The following MECOM variants were observed in gnomAD, a reference collection of about 807,000 sequenced individuals.
The protein encoded by MECOM is histone-lysine N-methyltransferase MECOM.
Under a neutral mutation model 116.3 loss-of-function variants are expected in MECOM, and 13 were observed. That is an observed-to-expected ratio of 0.11 (90% CI 0.07 to 0.18). The LOEUF (loss-of-function observed/expected upper bound fraction) is 0.18. Ranked by LOEUF, MECOM falls within the 10% of genes least tolerant of loss-of-function variation. The probability of loss-of-function intolerance (pLI) is 1.00; values close to 1 mark genes in which losing one functional copy is unlikely to be tolerated. For missense variants in MECOM, 1,299 were observed against 1,509.0 expected (o/e 0.86, Z 2.31); for synonymous variants, 528 against 535.2 (o/e 0.99, Z 0.19).
intron 2 of MECOM, among the ~76,000 whole-genome samples, chr3:169,245,022 G>C (rs1024333304): frequency 6.6e-6 from 1 of 152,070 alleles, no homozygotes; most frequent in Non-Finnish European, 1.5e-5. Context: ...ATAGTAACCA[G>C]GCCAAGCAGC....
At chr3:169,152,878 C>A (rs1741384875) in intron 2 of MECOM, among the ~76,000 whole-genome samples, 1 of 152,182 alleles carries the variant, frequency 6.6e-6, no homozygotes, top group South Asian at 2.1e-4. Context: ...AGAATGAGAG[C>A]AGATTTCTTT....
intron 1 of MECOM, among the ~76,000 whole-genome samples, chr3:169,478,488 T>A (rs9290367): frequency 6.6e-6 from 1 of 152,042 alleles, no homozygotes; most frequent in African/African-American, 2.4e-5. Flanking sequence ...CACCTCTGCC[T>A]TTGGCCAAGC....
intron 2 of MECOM, among the ~76,000 whole-genome samples, chr3:169,161,157 C>G (rs1250696374): frequency 1.3e-5 from 2 of 152,166 alleles, no homozygotes; most frequent in Admixed American, 6.6e-5. Flanking sequence ...CTTTAAGTAG[C>G]TTTAAAATCC....
chr3:169,232,195 C>A (rs903725719), intron 2 of MECOM, among the ~76,000 whole-genome samples: 15 of 152,112 alleles, frequency 9.9e-5, no homozygotes, highest in African/African-American at 3.6e-4. Flanking sequence ...CTTAAATTCA[C>A]CTTTTTGAGA....
intron 2 of MECOM, chr3:169,149,624 C>T (rs779643534): frequency 4.2e-6 from 2 of 470,884 alleles, no homozygotes; most frequent in East Asian, 6.2e-5. Context: ...TTCCGAGCTA[C>T]GAGAGGAAGG....
At chr3:169,315,876 A>G (rs928689686) in intron 2 of MECOM, among the ~76,000 whole-genome samples, 3 of 152,238 alleles carry the variant, frequency 2.0e-5, no homozygotes, top group Admixed American at 1.3e-4. Flanking sequence ...GCTAGATGCT[A>G]TATAAAGGCA....
At chr3:169,365,584 G>A (rs1381973076) in intron 2 of MECOM, among the ~76,000 whole-genome samples, 1 of 152,010 alleles carries the variant, frequency 6.6e-6, no homozygotes, top group Non-Finnish European at 1.5e-5. Context: ...AAGGGAATTA[G>A]CAATTAGATT....
chr3:169,590,369 T>C lies in MECOM; in HGVS notation c.37+72967A>G, dbSNP rs190462381. 5.3e-5 allele frequency among the ~76,000 whole-genome samples: 8 copies of C among 152,336 alleles called. No homozygotes were observed. The East Asian group carries it at 1.5e-3, about 29-fold the overall frequency. On this transcript the variant is annotated intron_variant, in intron 1 of 16. Coordinates refer to ENST00000651503, the MANE Select transcript of MECOM (RefSeq NM_004991.4). ...GCAAGAGATATTTTGGGTTATTTGC[T>C]CTACCTTAGAATCAGAGTGCCCACA...
intron 1 of MECOM, among the ~76,000 whole-genome samples, chr3:169,578,732 T>A (rs1384179629): frequency 6.6e-6 from 1 of 152,180 alleles, no homozygotes; most frequent in Non-Finnish European, 1.5e-5. Flanking sequence ...GAACCCACAT[T>A]GTGGGGACCG....
intron 2 of MECOM, among the ~76,000 whole-genome samples, chr3:169,250,051 C>T (rs997202468): frequency 6.6e-6 from 1 of 152,166 alleles, no homozygotes; most frequent in African/African-American, 2.4e-5. Flanking sequence ...CGTTCTCAAA[C>T]TTGCAGGAGG....
At position 169,281,825 on chromosome 3, in the gene MECOM, T is replaced by A. The variant is rs190426790; in HGVS notation, c.375+99362A>T. ...ATCCTGTCTCAAAAAAAAATTTTTT[T>A]TAAAAAAAGACTTAATTGAACCGTA... On this transcript the variant is annotated intron_variant, in intron 2 of 16. Transcript: ENST00000651503. Among the ~76,000 whole-genome samples the A allele has an allele frequency of 2.9e-3, 443 of 152,148 alleles. 1 individual carries two copies. Among genetic ancestry groups the A allele is most frequent in the African/African-American group, 1.0e-2 (413 of 41,504 alleles).
At chr3:169,360,689 A>G (rs1221496821) in intron 2 of MECOM, among the ~76,000 whole-genome samples, 1 of 151,730 alleles carries the variant, frequency 6.6e-6, no homozygotes, top group Non-Finnish European at 1.5e-5. Context: ...CCAGGGGGGA[A>G]AAAAAAGCAA....
chr3:169,103,712 A>T (rs1399739128), intron 10 of MECOM, among the ~76,000 whole-genome samples: 1 of 152,212 alleles, frequency 6.6e-6, no homozygotes, highest in African/African-American at 2.4e-5. Flanking sequence ...AGAAGGAAAA[A>T]TTAACAAGAC....
chr3:169,451,017 A>T (rs552157824), intron 1 of MECOM, among the ~76,000 whole-genome samples: 2 of 152,326 alleles, frequency 1.3e-5, no homozygotes, highest in South Asian at 4.1e-4. Flanking sequence ...ATATCACTCA[A>T]ACTGGTTCAA....
At chr3:169,375,295 C>G (rs1730825555) in intron 2 of MECOM, among the ~76,000 whole-genome samples, 1 of 151,838 alleles carries the variant, frequency 6.6e-6, no homozygotes, top group Non-Finnish European at 1.5e-5. Context: ...AATTCAAAAG[C>G]TAGCAGAAGA....
intron 1 of MECOM, among the ~76,000 whole-genome samples, chr3:169,562,386 T>C (rs1762758973): frequency 6.6e-6 from 1 of 152,136 alleles, no homozygotes; most frequent in Admixed American, 6.6e-5. Context: ...GTCCTGCTTC[T>C]ACTTGCTGTG....
chr3:169,488,342 C>T (rs1268297671), intron 1 of MECOM, among the ~76,000 whole-genome samples: 9 of 120,060 alleles, frequency 7.5e-5, no homozygotes, highest in Non-Finnish European at 3.3e-5. Context: ...TCCTGGCCAA[C>T]ATGGTAAAAC....
At chr3:169,626,376 C>T (rs1307348203) in intron 1 of MECOM, among the ~76,000 whole-genome samples, 6 of 152,344 alleles carry the variant, frequency 3.9e-5, no homozygotes, top group African/African-American at 1.4e-4. Context: ...TTGAGCGGAG[C>T]TTGGGAGCAG....
chr3:169,521,037 T>C (rs1253077733), intron 1 of MECOM, among the ~76,000 whole-genome samples: 1 of 152,138 alleles, frequency 6.6e-6, no homozygotes, highest in Non-Finnish European at 1.5e-5. Context: ...AAGGACAATA[T>C]TGATCATTAA....
Sources: gnomAD v4.1 joint callset for allele counts (sites outside exome capture counted in the v4.1 genomes callset) on GRCh38, gnomAD v4.1.1 for gene constraint, MANE v1.5 for transcripts, NCBI Gene and HGNC (gene_info 2026-07-23, HGNC 2026-07-21) for gene names.